NLGN1: variants seen among roughly 807,000 people sequenced by gnomAD.
NLGN1 encodes the protein neuroligin 1, also known as neuroligin-1.
Under a neutral mutation model 65.5 loss-of-function variants are expected in NLGN1, and 12 were observed. That is an observed-to-expected ratio of 0.18 (90% CI 0.12 to 0.30). The LOEUF is 0.30. Ranked by LOEUF, NLGN1 falls within the 10% of genes least tolerant of loss-of-function variation. The pLI, the probability that NLGN1 is intolerant of heterozygous loss-of-function variation, is 1.00. For missense variants in NLGN1, 750 were observed against 1,007.1 expected (o/e 0.74, Z 3.46); for synonymous variants, 350 against 359.5 (o/e 0.97, Z 0.30).
intron 3 of NLGN1, among the ~76,000 whole-genome samples, chr3:173,795,531 A>G (rs1713849963): frequency 6.6e-6 from 1 of 152,114 alleles, no homozygotes. Context: ...AAAGTTATGT[A>G]TTCATTTTAG....
chr3:173,655,141 G>A (rs1216886525), intron 3 of NLGN1, among the ~76,000 whole-genome samples: 2 of 152,118 alleles, frequency 1.3e-5, no homozygotes, highest in African/African-American at 4.8e-5. Context: ...AATGCAGGGA[G>A]GACCTCAGAA....
chr3:174,061,933 C>T (rs1737509111), intron 4 of NLGN1, among the ~76,000 whole-genome samples: 1 of 152,072 alleles, frequency 6.6e-6, no homozygotes. Flanking sequence ...AAACAAGCCC[C>T]AAACCATCTG....
chr3:173,826,963 A>G (rs934415970), intron 4 of NLGN1, among the ~76,000 whole-genome samples: 14 of 152,174 alleles, frequency 9.2e-5, no homozygotes, highest in South Asian at 4.1e-4. Flanking sequence ...TTTCATCAGC[A>G]AGTAATATGT....
intron 2 of NLGN1, among the ~76,000 whole-genome samples, chr3:173,542,755 T>G (rs1739109583): frequency 6.6e-6 from 1 of 152,114 alleles, no homozygotes; most frequent in Non-Finnish European, 1.5e-5. Context: ...CTGGTATTGT[T>G]TATATACAGT....
In NLGN1 at chr3:174,063,358, G is replaced by A. The variant is rs186708661; in HGVS notation, c.647-211957G>A. On this transcript the variant is annotated intron_variant, in intron 4 of 6. Transcript: ENST00000457714. Reference sequence around the variant, plus strand: ...TGTTTTACAAGAAAAGCTAAAAGAAGTTCTTGATGCTATGGGAAATGACAT... The same window carrying A: ...TGTTTTACAAGAAAAGCTAAAAGAAATTCTTGATGCTATGGGAAATGACAT... Among the ~76,000 whole-genome samples, 350 of 152,234 alleles carry A rather than the reference G, an allele frequency of 2.3e-3. 5 individuals are homozygous for A. The highest frequency in any genetic ancestry group is 7.7e-3 in the African/African-American group (319 of 41,566).
chr3:174,079,496 C>T (rs544157573), intron 4 of NLGN1, among the ~76,000 whole-genome samples: 20 of 152,232 alleles, frequency 1.3e-4, no homozygotes, highest in Admixed American at 5.2e-4. Flanking sequence ...TCCTCAAAGA[C>T]GTAAAAACAG....
intron 4 of NLGN1, among the ~76,000 whole-genome samples, chr3:173,835,777 G>A (rs2150632640): frequency 6.6e-6 from 1 of 152,126 alleles, no homozygotes; most frequent in African/African-American, 2.4e-5. Flanking sequence ...GTTTCCTTCT[G>A]AGAGAGAAAG....
chr3:174,155,197 A>G (rs1465683910), intron 4 of NLGN1, among the ~76,000 whole-genome samples: 1 of 151,042 alleles, frequency 6.6e-6, no homozygotes, highest in Non-Finnish European at 1.5e-5. Context: ...TATTAAAAAT[A>G]CTTGCCCTTA....
At chr3:173,506,916 G>T (rs993979534) in intron 2 of NLGN1, among the ~76,000 whole-genome samples, 6 of 152,120 alleles carry the variant, frequency 3.9e-5, no homozygotes, top group Non-Finnish European at 8.8e-5. Flanking sequence ...GAAAAAGAAT[G>T]TCACAAGTTG....
chr3:173,583,183 C>G (rs1463982666), intron 2 of NLGN1, among the ~76,000 whole-genome samples: 1 of 148,854 alleles, frequency 6.7e-6, no homozygotes, highest in Non-Finnish European at 1.5e-5. Flanking sequence ...CCTTTTTCTT[C>G]AGATTATTCA....
chr3:173,592,252 A>AT (rs1317992784), intron 2 of NLGN1, among the ~76,000 whole-genome samples: 3 of 152,148 alleles, frequency 2.0e-5, no homozygotes, highest in East Asian at 3.9e-4. Flanking sequence ...TTAATGTTAA[A>AT]TTTTTTTTCA....
At chr3:174,036,789 G>T (rs1188146076) in intron 4 of NLGN1, among the ~76,000 whole-genome samples, 1 of 151,774 alleles carries the variant, frequency 6.6e-6, no homozygotes, top group Non-Finnish European at 1.5e-5. Flanking sequence ...AGTGTGTGGG[G>T]TTCCCCTCTC....
At chr3:174,076,724 A>AGT (rs143103332) in intron 4 of NLGN1, among the ~76,000 whole-genome samples, 2,786 of 81,648 alleles carry the variant, frequency 0.034, 72 homozygotes, top group Non-Finnish European at 0.051. Flanking sequence ...AGAGAGAGAG[A>AGT]GTGTGTGTGT....
intron 4 of NLGN1, among the ~76,000 whole-genome samples, chr3:174,181,850 C>T (rs1730486197): frequency 6.6e-6 from 1 of 150,974 alleles, no homozygotes; most frequent in Admixed American, 6.6e-5. Flanking sequence ...GCGGCATGTG[C>T]CTGTAGTCCC....
chr3:174,146,692 C>T (rs111386323), intron 4 of NLGN1, among the ~76,000 whole-genome samples: 1,885 of 151,540 alleles, frequency 0.012, 35 homozygotes, highest in African/African-American at 0.043. Context: ...CTCAGCCTCC[C>T]GAGTAGCTGG....
rs749749824 is a variant in NLGN1, at chr3:173,747,801, C to CTTTTTTTTTTTTTTTTTTTTTTTTTT, written c.494-59874_494-59849dup. Among the ~76,000 whole-genome samples the CTTTTTTTTTTTTTTTTTTTTTTTTTT allele has an allele frequency of 1.7e-4, 11 of 64,424 alleles. 2 individuals are homozygous for CTTTTTTTTTTTTTTTTTTTTTTTTTT. Among genetic ancestry groups the CTTTTTTTTTTTTTTTTTTTTTTTTTT allele is most frequent in the African/African-American group, 5.0e-4 (8 of 16,098 alleles). 42.3% of individuals were successfully genotyped at this position (64,424 alleles called of 152,430 possible). ...AATTTTCTTTCTTCTTCTTCTTGTT[C>CTTTTTTTTTTTTTTTTTTTTTTTTTT]TTTTTTTTTTTTTTTTTTTTTTTTT... is the stretch of plus-strand genomic sequence containing the variant. On this transcript the variant is annotated intron_variant, in intron 3 of 6. Coordinates refer to ENST00000457714, the Ensembl canonical transcript of NLGN1.
At chr3:173,757,039 A>G (rs1777240575) in intron 3 of NLGN1, among the ~76,000 whole-genome samples, 1 of 152,032 alleles carries the variant, frequency 6.6e-6, no homozygotes, top group African/African-American at 2.4e-5. Flanking sequence ...AACATTGTCA[A>G]TTAGAAGAAA....
chr3:173,707,016 A>G (rs572698578), intron 3 of NLGN1, among the ~76,000 whole-genome samples: 1 of 152,314 alleles, frequency 6.6e-6, no homozygotes, highest in Non-Finnish European at 1.5e-5. Flanking sequence ...ATATTCCTTT[A>G]TAGAACTTAT....
At chr3:174,127,536 C>T (rs1325179651) in intron 4 of NLGN1, among the ~76,000 whole-genome samples, 2 of 152,086 alleles carry the variant, frequency 1.3e-5, no homozygotes, top group Non-Finnish European at 2.9e-5. Context: ...TCCTGCCAAA[C>T]TCGTCTCTTC....
Sources: gnomAD v4.1 joint callset for allele counts (sites outside exome capture counted in the v4.1 genomes callset) on GRCh38, gnomAD v4.1.1 for gene constraint, MANE v1.5 for transcripts, NCBI Gene and HGNC (gene_info 2026-07-23, HGNC 2026-07-21) for gene names.